Variants in ELAPOR2 observed in about 807,000 individuals in gnomAD.
ELAPOR2 encodes the protein endosome/lysosome-associated apoptosis and autophagy regulator family member 2.
Under a neutral mutation model 120.7 loss-of-function variants are expected in ELAPOR2, and 89 were observed. The observed-to-expected ratio is 0.74, with a 90% CI of 0.62 to 0.88. The LOEUF is 0.88. ELAPOR2 is among the 40% of genes least tolerant of loss of function. The pLI is 0.00. For synonymous variants in ELAPOR2, 444 were observed against 444.9 expected, an observed-to-expected ratio of 1.00 and a Z score of 0.03; for missense variants, 1,134 against 1,251.6, an observed-to-expected ratio of 0.91 and a Z score of 1.42.
chr7:86,902,335 C>T lies in ELAPOR2; in HGVS notation c.2559-4703G>A, dbSNP rs528816224. On this transcript the variant is annotated intron_variant, in intron 18 of 21. Transcript: ENST00000450689. ...GGGATTACAGGCGCCCGCCACAATGCCCAGCTAATTTTGTATTTTTAGTAG... is the reference window on the plus strand; with the variant it reads ...GGGATTACAGGCGCCCGCCACAATGTCCAGCTAATTTTGTATTTTTAGTAG... Among the ~76,000 whole-genome samples, 11 of 152,248 alleles carry T rather than the reference C, an allele frequency of 7.2e-5. No individual in the cohort carries two copies. In the East Asian group the frequency reaches 2.1e-3, roughly 29 times the overall value.
intron 13 of ELAPOR2, among the ~76,000 whole-genome samples, chr7:86,914,190 T>C (rs1276861285): frequency 1.3e-5 from 2 of 152,102 alleles, no homozygotes; most frequent in African/African-American, 2.4e-5. Flanking sequence ...TATGGTACAA[T>C]GGATATACTT....
In ELAPOR2 at chr7:87,009,396, A is replaced by T. The variant is rs190258667; in HGVS notation, c.190-44372T>A. Among the ~76,000 whole-genome samples, 165 of 152,344 alleles carry T rather than the reference A, an allele frequency of 1.1e-3. 2 individuals carry two copies. The East Asian group carries it at 0.029, about 27-fold the overall frequency. ...GAACATTAGGAAGAAGGACACTAAG[A>T]AACAAATTACAGGATTTATCACAAC... is the stretch of plus-strand genomic sequence containing the variant. On this transcript the variant is annotated intron_variant, in intron 1 of 21. Coordinates refer to ENST00000450689, the MANE Select transcript of ELAPOR2 (RefSeq NM_001142749.3).
chr7:87,012,206 T>C (rs1231596360), intron 1 of ELAPOR2, among the ~76,000 whole-genome samples: 12 of 152,110 alleles, frequency 7.9e-5, no homozygotes, highest in Non-Finnish European at 1.5e-4. Context: ...GGTCAGGAGA[T>C]TGAGACCATC....
intron 8 of ELAPOR2, among the ~76,000 whole-genome samples, chr7:86,928,828 A>G (rs184232623): frequency 1.5e-3 from 222 of 152,128 alleles, no homozygotes; most frequent in African/African-American, 5.0e-3. Context: ...CAAATGCTCT[A>G]TAGTAAAAGT....
chr7:87,058,970 T>C (rs1419152967), intron 1 of ELAPOR2, among the ~76,000 whole-genome samples: 2 of 151,004 alleles, frequency 1.3e-5, no homozygotes, highest in Non-Finnish European at 3.0e-5. Flanking sequence ...GATGAGATGG[T>C]TCTTCAAATC....
intron 15 of ELAPOR2, among the ~76,000 whole-genome samples, chr7:86,911,114 A>C (rs573125235): frequency 6.6e-6 from 1 of 152,292 alleles, no homozygotes; most frequent in Admixed American, 6.5e-5. Flanking sequence ...GGTAGTGCTA[A>C]TGTACAATAA....
intron 1 of ELAPOR2, among the ~76,000 whole-genome samples, chr7:87,000,132 T>C (rs575502598): frequency 6.6e-6 from 1 of 152,232 alleles, no homozygotes; most frequent in Admixed American, 6.5e-5. Flanking sequence ...ACACCCCTCT[T>C]TGTGAAACTA....
At chr7:87,048,717 G>C (rs751012539) in intron 1 of ELAPOR2, among the ~76,000 whole-genome samples, 2 of 152,084 alleles carry the variant, frequency 1.3e-5, no homozygotes, top group Non-Finnish European at 2.9e-5. Flanking sequence ...TTGCATGCCT[G>C]TATCAAAACA....
intron 18 of ELAPOR2, among the ~76,000 whole-genome samples, chr7:86,899,936 C>T (rs1788638600): frequency 6.6e-6 from 1 of 150,966 alleles, no homozygotes; most frequent in African/African-American, 2.4e-5. Context: ...TAGATGAAAA[C>T]CATGCCACAT....
At chr7:86,944,791 CACA>C in intron 4 of ELAPOR2, 105 bp downstream of exon 4, 8 of 877,964 alleles carry the variant, frequency 9.1e-6, no homozygotes, top group South Asian at 4.2e-5. Context: ...AACACACACA[CACA>C]AAAAAAAAAC....
At chr7:87,040,487 C>A (rs1237848608) in intron 1 of ELAPOR2, among the ~76,000 whole-genome samples, 2 of 152,184 alleles carry the variant, frequency 1.3e-5, no homozygotes. Context: ...CTGGGAGGCA[C>A]CCCCCAGCAG....
At chr7:86,997,251 C>T (rs1793156514) in intron 1 of ELAPOR2, among the ~76,000 whole-genome samples, 1 of 152,100 alleles carries the variant, frequency 6.6e-6, no homozygotes, top group African/African-American at 2.4e-5. Context: ...TAATATTCTC[C>T]CTGCTGAATG....
In ELAPOR2 at chr7:87,010,547, T is replaced by G. The variant is rs148872142; in HGVS notation, c.190-45523A>C. On this transcript the variant is annotated intron_variant, in intron 1 of 21. Coordinates refer to ENST00000450689, the MANE Select transcript of ELAPOR2 (RefSeq NM_001142749.3). Reference sequence around the variant, plus strand: ...GAGTTTCTCTAAGAATTTCTATTGTTTTTTAGAGCTGGCAGAAGAGATGAC... The same window carrying G: ...GAGTTTCTCTAAGAATTTCTATTGTGTTTTAGAGCTGGCAGAAGAGATGAC... Among the ~76,000 whole-genome samples the G allele has an allele frequency of 2.8e-3, 423 of 152,326 alleles. 1 individual carries two copies. Among genetic ancestry groups the G allele is most frequent in the African/African-American group, 9.8e-3 (409 of 41,566 alleles).
chr7:87,049,393 T>G (rs1469814849), intron 1 of ELAPOR2, among the ~76,000 whole-genome samples: 1 of 152,156 alleles, frequency 6.6e-6, no homozygotes, highest in Non-Finnish European at 1.5e-5. Context: ...GCCATTCTCC[T>G]GCCTCAGCCT....
At chr7:86,941,632 C>T (rs878904146) in intron 5 of ELAPOR2, among the ~76,000 whole-genome samples, 1 of 151,938 alleles carries the variant, frequency 6.6e-6, no homozygotes, top group Non-Finnish European at 1.5e-5. Context: ...GCCACTAATT[C>T]GATCACATAT....
chr7:86,929,853 G>A (rs1402025108), intron 8 of ELAPOR2, among the ~76,000 whole-genome samples: 1 of 151,808 alleles, frequency 6.6e-6, no homozygotes, highest in Admixed American at 6.6e-5. Flanking sequence ...GTTTAAAAGT[G>A]TGTGGCACCT....
intron 1 of ELAPOR2, among the ~76,000 whole-genome samples, chr7:87,032,767 A>G (rs1437720722): frequency 6.6e-6 from 1 of 152,216 alleles, no homozygotes; most frequent in Admixed American, 6.5e-5. Flanking sequence ...TCAGCATAGC[A>G]TAAAAAGGAA....
intron 10 of ELAPOR2, 151 bp from the exon 11 acceptor site, chr7:86,919,461 C>T (rs185259136): frequency 1.6e-5 from 8 of 513,436 alleles, no homozygotes; most frequent in Non-Finnish European, 2.7e-5. Flanking sequence ...TAATCACAGT[C>T]GCAAATTTCA....
intron 1 of ELAPOR2, among the ~76,000 whole-genome samples, chr7:86,989,821 G>A (rs1219321991): frequency 6.6e-6 from 1 of 151,544 alleles, no homozygotes; most frequent in Non-Finnish European, 1.5e-5. Context: ...ATTTTTATTA[G>A]TGTAGAAAAA....
Sources: allele counts gnomAD v4.1 joint callset (sites outside exome capture counted in the v4.1 genomes callset), GRCh38; gene constraint gnomAD v4.1.1; transcripts MANE v1.5; gene names NCBI Gene and HGNC (gene_info 2026-07-23, HGNC 2026-07-21).